Variants in AMZ2 observed in about 807,000 individuals in gnomAD.
The protein encoded by AMZ2 is archaemetzincin-2.
A neutral mutation model predicts 36.7 loss-of-function variants in AMZ2; 26 were observed. The ratio of observed to expected loss-of-function variants is 0.71; its 90% CI spans 0.52 to 0.98. The LOEUF (loss-of-function observed/expected upper bound fraction) is 0.98. Ranked by LOEUF, AMZ2 falls within the 50% of genes least tolerant of loss-of-function variation. The probability of loss-of-function intolerance (pLI) is 0.00; values close to 1 mark genes in which losing one functional copy is unlikely to be tolerated. For missense variants in AMZ2, 394 were observed against 430.5 expected, an observed-to-expected ratio of 0.92 and a Z score of 0.75; for synonymous variants, 144 against 149.1, an observed-to-expected ratio of 0.97 and a Z score of 0.25.
intron 1 of AMZ2, among the ~76,000 whole-genome samples, chr17:68,227,755 G>A (rs534370224): frequency 3.2e-4 from 49 of 152,266 alleles, no homozygotes; most frequent in African/African-American, 1.1e-3. Context: ...TAATCCCAGT[G>A]CTTTGGGAGG....
chr17:68,239,455 C>T (rs1337479658), intron 1 of AMZ2, among the ~76,000 whole-genome samples: 1 of 152,198 alleles, frequency 6.6e-6, no homozygotes, highest in African/African-American at 2.4e-5. Flanking sequence ...TGAATTCACA[C>T]TAGTAGGTGA....
chr17:68,244,929 G>A (rs2073971377), upstream of AMZ2, among the ~76,000 whole-genome samples: 1 of 152,068 alleles, frequency 6.6e-6, no homozygotes, highest in African/African-American at 2.4e-5. Flanking sequence ...TTTATGTCAT[G>A]GTGTTTATCT....
At chr17:68,215,102 A>G (rs1219833149) in intron 1 of AMZ2, among the ~76,000 whole-genome samples, 1 of 152,204 alleles carries the variant, frequency 6.6e-6, no homozygotes, top group Non-Finnish European at 1.5e-5. Context: ...TTTCTTTAGT[A>G]TGGTTTTAAG....
chr17:68,234,963 C>T lies in AMZ2; in HGVS notation c.-66-13677C>T, dbSNP rs2073752631. ...CGAGGAGAGGGAGGTTGTGGTGAGC[C>T]GAGATTGTGCCATTGCACTCCAGCC... On this transcript the variant is annotated intron_variant, in intron 1 of 7. Transcript: ENST00000674770. 2.6e-5 allele frequency among the ~76,000 whole-genome samples: 4 copies of T among 151,646 alleles called. No homozygotes were observed. The South Asian group carries it at 8.4e-4, about 32-fold the overall frequency.
intron 1 of AMZ2, among the ~76,000 whole-genome samples, chr17:68,228,323 T>C (rs2073568852): frequency 6.6e-6 from 1 of 152,132 alleles, no homozygotes; most frequent in Admixed American, 6.5e-5. Flanking sequence ...CTCATCTGAC[T>C]CCTCTGATGC....
rs1358464464 is a variant in AMZ2 at position 68,248,496 on chromosome 17, T to C, written c.-210T>C. ...AAAGCATCCTAGGCCTCCAGCCCAC[T>C]GCAGTGACCGAATTCTGCGCCCCCT... On this transcript the variant is annotated 5_prime_UTR_variant, in exon 1 of 7. Coordinates refer to ENST00000359904, the MANE Select transcript of AMZ2 (RefSeq NM_016627.5). The C allele has an allele frequency of 1.0e-6, 1 of 986,116 alleles. No individual in the cohort carries two copies. The highest frequency in any genetic ancestry group is 1.1e-4 in the East Asian group (1 of 8,820). The allele number at this position is 986,116 out of a possible 1,614,324, so 61.1% of individuals were successfully genotyped here.
chr17:68,221,872 CAG>C, intron 1 of AMZ2, among the ~76,000 whole-genome samples: 1 of 152,282 alleles, frequency 6.6e-6, no homozygotes, highest in South Asian at 2.1e-4. Flanking sequence ...GACTGGATGA[CAG>C]AGTGAGACTC....
chr17:68,213,485 AG>A (rs2073117568), intron 1 of AMZ2, among the ~76,000 whole-genome samples: 1 of 152,206 alleles, frequency 6.6e-6, no homozygotes, highest in East Asian at 1.9e-4. Context: ...GGGAATGGAA[AG>A]GAGAGTAGAA....
chr17:68,217,002 C>T (rs1555727427), intron 1 of AMZ2, among the ~76,000 whole-genome samples: 1 of 149,228 alleles, frequency 6.7e-6, no homozygotes, highest in East Asian at 2.0e-4. Context: ...CCCTGCACTC[C>T]AGCCTGGGCG....
At chr17:68,209,632 A>ATATTTTTTTTTTTT in intron 1 of AMZ2, among the ~76,000 whole-genome samples, 1 of 90,700 alleles carries the variant, frequency 1.1e-5, no homozygotes, top group Non-Finnish European at 2.0e-5. Flanking sequence ...ATATATATAT[A>ATATTTTTTTTTTTT]TTTTTTTTTT....
chr17:68,213,431 G>A (rs187825722), intron 1 of AMZ2, among the ~76,000 whole-genome samples: 2 of 152,312 alleles, frequency 1.3e-5, no homozygotes, highest in East Asian at 3.9e-4. Flanking sequence ...CTTAGAATTA[G>A]GTCACATGAA....
intron 1 of AMZ2, among the ~76,000 whole-genome samples, chr17:68,239,118 G>C (rs1382984348): frequency 6.6e-6 from 1 of 152,172 alleles, no homozygotes; most frequent in Non-Finnish European, 1.5e-5. Flanking sequence ...GTCTTTGAGG[G>C]CAGGTTCTCT....
upstream of AMZ2, among the ~76,000 whole-genome samples, chr17:68,243,896 T>C (rs1250726825): frequency 1.3e-5 from 2 of 152,140 alleles, no homozygotes; most frequent in African/African-American, 2.4e-5. Flanking sequence ...AAGGGCAGAA[T>C]TGGGAGGGGG....
Position 68,248,255 on chromosome 17 carries a change from CGGGGTCGGT to C in AMZ2, c.-449_-441del, listed in dbSNP as rs1438973791. On this transcript the variant is annotated 5_prime_UTR_variant, in exon 1 of 7. Transcript: ENST00000359904. ...GACGTGGCGGAAGCCGCGGGGTCCG[CGGGGTCGGT>C]GCCTCTAGGGAGCCAGGGAGGCCTT... 3.0e-6 allele frequency: 3 copies of C among 985,878 alleles called. No individual in the cohort carries two copies. The highest frequency in any genetic ancestry group is 4.7e-5 in the South Asian group (1 of 21,354). 61.1% of individuals were successfully genotyped at this position (985,878 alleles called of 1,614,324 possible). A position where few individuals can be genotyped will look rare whatever the true frequency, so the allele number is the denominator to read the frequency against.
At chr17:68,208,101 C>T (rs2072898811) in intron 1 of AMZ2, among the ~76,000 whole-genome samples, 1 of 152,136 alleles carries the variant, frequency 6.6e-6, no homozygotes, top group African/African-American at 2.4e-5. Context: ...CTCCCCTGCC[C>T]CCGTGGGCTC....
At chr17:68,229,832 G>A (rs1369251420) in intron 1 of AMZ2, among the ~76,000 whole-genome samples, 1 of 152,150 alleles carries the variant, frequency 6.6e-6, no homozygotes, top group Non-Finnish European at 1.5e-5. Flanking sequence ...TCCGGAGGAT[G>A]GCTGGGTCAG....
intron 1 of AMZ2, among the ~76,000 whole-genome samples, chr17:68,242,904 T>A (rs1237432526): frequency 6.6e-6 from 1 of 151,744 alleles, no homozygotes; most frequent in South Asian, 2.1e-4. Context: ...ATTAGCCAGG[T>A]GTGATGGTGC....
At chr17:68,217,128 TATATC>T (rs2073219562) in intron 1 of AMZ2, among the ~76,000 whole-genome samples, 1 of 152,144 alleles carries the variant, frequency 6.6e-6, no homozygotes, top group African/African-American at 2.4e-5. Context: ...TGTTTCCTGA[TATATC>T]AGTATCAATA....
Position 68,255,838 on chromosome 17 carries a change from C to CAA in AMZ2, c.890_891insAA (p.Cys298SerfsTer9). ...TTGCCCTATCTGTTTGCACAAGTTG[C>CAA]AGTGTGCTGTTGGCTTCAGCATTGT... On this transcript the variant is annotated frameshift_variant, in exon 6 of 7. Coordinates refer to ENST00000359904, the MANE Select transcript of AMZ2 (RefSeq NM_016627.5). LOFTEE classifies it low-confidence loss of function (END_TRUNC). 1 of 1,614,032 alleles carries CAA rather than the reference C, an allele frequency of 6.2e-7. No homozygotes were observed. The highest frequency in any genetic ancestry group is 2.2e-5 in the East Asian group (1 of 44,868).
Sources: gnomAD v4.1 joint callset for allele counts (sites outside exome capture counted in the v4.1 genomes callset) on GRCh38, gnomAD v4.1.1 for gene constraint, MANE v1.5 for transcripts, NCBI Gene and HGNC (gene_info 2026-07-23, HGNC 2026-07-21) for gene names.